Variants in NFKB2 observed in about 807,000 individuals in gnomAD.
NFKB2 encodes the protein nuclear factor NF-kappa-B p100 subunit.
A neutral mutation model predicts 109.3 loss-of-function variants in NFKB2; 21 were observed. That is an observed-to-expected ratio of 0.19 (90% confidence interval 0.14 to 0.28). NFKB2 has a LOEUF of 0.28. Ranked by LOEUF, NFKB2 falls within the 10% of genes least tolerant of loss-of-function variation. The pLI is 1.00. For synonymous variants in NFKB2, 478 were observed against 489.9 expected (o/e 0.98, Z 0.32); for missense variants, 806 against 1,185.3 (o/e 0.68, Z 4.70).
At position 102,396,103 on chromosome 10, in the gene NFKB2, G is replaced by A. The variant is rs992856992; in HGVS notation, c.21+123G>A. 6.7e-6 allele frequency: 10 copies of A among 1,485,210 alleles called. No homozygotes were observed. The African/African-American group carries it at 1.4e-4, about 21-fold the overall frequency. 92.0% of individuals were successfully genotyped at this position (1,485,210 alleles called of 1,614,324 possible). A position where few individuals can be genotyped will look rare whatever the true frequency, so the allele number is the denominator to read the frequency against. The stretch of plus-strand genomic sequence containing the variant: ...GCAGATGCTCTCAGCCTGCCAGTCT[G>A]TCCATCTGTCTGCAACTCTGCCTCC... On this transcript the variant is annotated intron_variant, in intron 2 of 22. Coordinates refer to ENST00000661543, the MANE Select transcript of NFKB2 (RefSeq NM_001322934.2). The surrounding 1 kb of genome is among the most constrained non-coding windows in gnomAD (Gnocchi z 5.9).
chr10:102,398,092 C>CT lies in NFKB2; in HGVS notation c.766+8dup. On this transcript the variant is annotated splice_region_variant and intron_variant, in intron 9 of 22. Transcript: ENST00000661543. The surrounding 1 kb of genome is among the most constrained non-coding windows in gnomAD (Gnocchi z 6.6). ...TGTGACAAGGTGCAGAAAGGTGAGA[C>CT]TGGAGCCCACTTTGGGCACCAAGGA... The CT allele has an allele frequency of 6.2e-7, 1 of 1,614,002 alleles. No individual in the cohort carries two copies. The highest frequency in any genetic ancestry group is 1.1e-5 in the South Asian group (1 of 91,086).
Position 102,398,916 on chromosome 10 carries a change from A to G in NFKB2, c.1117+52A>G. On this transcript the variant is annotated intron_variant, in intron 12 of 22. Coordinates refer to ENST00000661543, the MANE Select transcript of NFKB2 (RefSeq NM_001322934.2). This position sits in a 1 kb window ranked among gnomAD's most constrained non-coding sequence, Gnocchi z 6.6. ...GTAAAGGTAAGAGAAGCTGTGGAGGAAAAAAATCTGGGGGAGGCCGGGCGT... is the reference window on the plus strand; with the variant it reads ...GTAAAGGTAAGAGAAGCTGTGGAGGGAAAAAATCTGGGGGAGGCCGGGCGT... 1 of 1,562,622 alleles carries G rather than the reference A, an allele frequency of 6.4e-7. No homozygotes were observed. The highest frequency in any genetic ancestry group is 8.7e-7 in the Non-Finnish European group (1 of 1,154,448).
Position 102,399,655 on chromosome 10 carries a change from A to G in NFKB2, c.1406A>G (p.Asp469Gly), listed in dbSNP as rs1565209716. Residue 469 changes from aspartate (D) to glycine (G), a missense_variant, in exon 14 of 23, where the codon GAC (aspartate) becomes GGC (glycine). Asp to Gly is a moderately conservative substitution (Grantham distance 94). Transcript: ENST00000661543. ...CTACTCGACTACGGCGTCACCGCGG[A>G]CGCGCGCGCGCTGCTGGCGGGACAG... The part of the protein sequence containing the change: ...RALLDYGVTA[D>G]ARALLAGQRH... 6.5e-7 allele frequency: 1 copy of G among 1,533,416 alleles called. No individual in the cohort carries two copies. Among genetic ancestry groups the G allele is most frequent in the Non-Finnish European group, 8.8e-7 (1 of 1,138,760 alleles). The allele number at this position is 1,533,416 out of a possible 1,614,324, so 95.0% of individuals were successfully genotyped here. A position where few individuals can be genotyped will look rare whatever the true frequency, so the allele number is the denominator to read the frequency against.
In NFKB2 at chr10:102,398,856, C is replaced by G; in HGVS notation, c.1109C>G (p.Ala370Gly). 6.3e-7 allele frequency: 1 copy of G among 1,593,770 alleles called. No homozygotes were observed. The highest frequency in any genetic ancestry group is 8.5e-7 in the Non-Finnish European group (1 of 1,170,856). Reference sequence around the variant, plus strand: ...GGTGCAGCCGGGGGCTACGGAGGAGCTGGAGGAGGTGAGGGGGTACTGATG... The same window carrying G: ...GGTGCAGCCGGGGGCTACGGAGGAGGTGGAGGAGGTGAGGGGGTACTGATG... ...SGGAAGGYGG[A>G]GGGGSLGFFP... Residue 370 changes from alanine to glycine, a missense_variant, in exon 12 of 23, where the codon GCT becomes GGT. Around this residue, in one of 10 missense-constraint regions of NFKB2, gnomAD observed 209 missense variants for 211.9 expected, o/e 0.99. Transcript: ENST00000661543. The surrounding 1 kb of genome is among the most constrained non-coding windows in gnomAD (Gnocchi z 6.6).
At chr10:102,394,982 A>G (rs2061074811), upstream of NFKB2, among the ~76,000 whole-genome samples, 2 of 151,976 alleles carry the variant, frequency 1.3e-5, no homozygotes, top group Admixed American at 1.3e-4. Flanking sequence ...GGATTCACCT[A>G]TCTACACACA....
At position 102,398,880 on chromosome 10, in the gene NFKB2, TGGAG is replaced by T; in HGVS notation, c.1117+23_1117+26del. ...GCTGGAGGAGGTGAGGGGGTACTGA[TGGAG>T]GGAGGGGTAAAGGTAAGAGAAGCTG... is the stretch of plus-strand genomic sequence containing the variant. On this transcript the variant is annotated intron_variant, in intron 12 of 22. Transcript: ENST00000661543. This position sits in a 1 kb window ranked among gnomAD's most constrained non-coding sequence, Gnocchi z 6.6. 2.5e-6 allele frequency: 4 copies of T among 1,581,052 alleles called. No homozygotes were observed. Among genetic ancestry groups the T allele is most frequent in the Non-Finnish European group, 3.4e-6 (4 of 1,165,536 alleles).
Position 102,401,643 on chromosome 10 carries a change from T to A in NFKB2, c.2294-102T>A, listed in dbSNP as rs989785725. 1 of 1,525,774 alleles carries A rather than the reference T, an allele frequency of 6.6e-7. No homozygotes were observed. The highest frequency in any genetic ancestry group is 8.9e-7 in the Non-Finnish European group (1 of 1,123,978). The allele number at this position is 1,525,774 out of a possible 1,614,324, so 94.5% of individuals were successfully genotyped here. A position where few individuals can be genotyped will look rare whatever the true frequency, so the allele number is the denominator to read the frequency against. ...CAGCCCCGTCCATCACCCCTCATGGTCCTGTCTGTCGCTTACCTTGGGAGA... is the reference window on the plus strand; with the variant it reads ...CAGCCCCGTCCATCACCCCTCATGGACCTGTCTGTCGCTTACCTTGGGAGA... On this transcript the variant is annotated intron_variant, in intron 20 of 22. Coordinates refer to ENST00000661543, the MANE Select transcript of NFKB2 (RefSeq NM_001322934.2). This position sits in a 1 kb window ranked among gnomAD's most constrained non-coding sequence, Gnocchi z 4.2.
chr10:102,402,392 C>A lies in NFKB2; in HGVS notation c.*16C>A. 3 of 1,491,092 alleles carry A rather than the reference C, an allele frequency of 2.0e-6. No homozygotes were observed. The highest frequency in any genetic ancestry group is 2.6e-5 in the South Asian group (2 of 75,506). 92.4% of individuals were successfully genotyped at this position (1,491,092 alleles called of 1,614,324 possible). ...GGTGCACTGACCTGCTGCCTGCCCC[C>A]AGCCCCCTTCCCGGACCCCCTGTAC... is the stretch of plus-strand genomic sequence containing the variant. On this transcript the variant is annotated 3_prime_UTR_variant, in exon 23 of 23. Transcript: ENST00000661543.
chr10:102,398,975 G>A lies in NFKB2; in HGVS notation c.1117+111G>A. Reference sequence around the variant, plus strand: ...ACGCCTGTAATCCAGCCCTTTGGGAGGCCAAGGCAGGCAGATTACCTGAGA... The same window carrying A: ...ACGCCTGTAATCCAGCCCTTTGGGAAGCCAAGGCAGGCAGATTACCTGAGA... On this transcript the variant is annotated intron_variant, in intron 12 of 22. Transcript: ENST00000661543. The surrounding 1 kb of genome is among the most constrained non-coding windows in gnomAD (Gnocchi z 6.6). 1.7e-6 allele frequency: 2 copies of A among 1,203,360 alleles called. No individual in the cohort carries two copies. Among genetic ancestry groups the A allele is most frequent in the Non-Finnish European group, 2.3e-6 (2 of 868,302 alleles). 74.5% of individuals were successfully genotyped at this position (1,203,360 alleles called of 1,614,324 possible). A position where few individuals can be genotyped will look rare whatever the true frequency, so the allele number is the denominator to read the frequency against.
upstream of NFKB2, among the ~76,000 whole-genome samples, chr10:102,395,510 A>G (rs1182510348): frequency 6.6e-6 from 1 of 152,054 alleles, no homozygotes; most frequent in Non-Finnish European, 1.5e-5. Context: ...TGGAGGGAGG[A>G]GGGGGCTTAA....
chr10:102,394,532 G>C (rs1336754608), upstream of NFKB2: 2 of 152,288 alleles, frequency 1.3e-5, no homozygotes. Context: ...CTGCTGGCAG[G>C]CGAGGTGTCG....
At chr10:102,395,232 C>T (rs1181597579), upstream of NFKB2, among the ~76,000 whole-genome samples, 4 of 150,930 alleles carry the variant, frequency 2.7e-5, no homozygotes, top group Non-Finnish European at 4.4e-5. Flanking sequence ...GGAGGAGACA[C>T]TTTTCCCGCA....
Position 102,400,441 on chromosome 10 carries a change from A to G in NFKB2, c.1748A>G (p.Gln583Arg), listed in dbSNP as rs902680352. The change falls in exon 16 of 23, where the codon CAG (glutamine) becomes CGG (arginine). Residue 583 changes from glutamine (Q) to arginine (R), a missense_variant. Around this residue, in one of 10 missense-constraint regions of NFKB2, gnomAD observed 163 missense variants for 207.1 expected, o/e 0.79. Transcript: ENST00000661543. This position sits in a 1 kb window ranked among gnomAD's most constrained non-coding sequence, Gnocchi z 6.3. ...GAPELLRALL[Q>R]SGAPAVPQLL... is the part of the protein sequence containing the mutation. ...CCTGAGCTGCTGCGTGCACTGCTTC[A>G]GAGTGGAGCTCCTGCTGTGCCCCAG... The G allele has an allele frequency of 3.1e-6, 5 of 1,612,482 alleles. No homozygotes were observed. Among genetic ancestry groups the G allele is most frequent in the Non-Finnish European group, 4.2e-6 (5 of 1,179,888 alleles).
chr10:102,399,199 G>C (rs1465205176), intron 12 of NFKB2, 89 bp from the exon 13 acceptor site: 1 of 1,275,560 alleles, frequency 7.8e-7, no homozygotes, highest in East Asian at 2.5e-5. Flanking sequence ...TGGGCAATAA[G>C]AGCGAAACTC....
rs538915755 is a variant in NFKB2 at position 102,400,888 on chromosome 10, G to A, written c.1969-59G>A. ...GGTGGAGGGGCCAAAGATGGTGAAG[G>A]GGGGGGCTGGCCAAGGGGACCATGC... On this transcript the variant is annotated intron_variant, in intron 17 of 22. Transcript: ENST00000661543. This position sits in a 1 kb window ranked among gnomAD's most constrained non-coding sequence, Gnocchi z 6.3. 4 of 1,582,298 alleles carry A rather than the reference G, an allele frequency of 2.5e-6. No homozygotes were observed. Among genetic ancestry groups the A allele is most frequent in the African/African-American group, 1.3e-5 (1 of 74,398 alleles).
At position 102,396,685 on chromosome 10, in the gene NFKB2, C is replaced by A; in HGVS notation, c.145-40C>A. 6.3e-7 allele frequency: 1 copy of A among 1,593,676 alleles called. No homozygotes were observed. The highest frequency in any genetic ancestry group is 1.1e-5 in the South Asian group (1 of 90,506). ...TGCGGTCACTGCTGGCCTGGGTGGTCTTCCCTGATCACAATGCTACTATGC... is the reference window on the plus strand; with the variant it reads ...TGCGGTCACTGCTGGCCTGGGTGGTATTCCCTGATCACAATGCTACTATGC... On this transcript the variant is annotated intron_variant, in intron 4 of 22. Transcript: ENST00000661543. This position sits in a 1 kb window ranked among gnomAD's most constrained non-coding sequence, Gnocchi z 5.9.
Position 102,397,566 on chromosome 10 carries a change from TGAA to T in NFKB2, c.547_549del (p.Lys183del). On this transcript the variant is annotated inframe_deletion, in exon 8 of 23. Coordinates refer to ENST00000661543, the MANE Select transcript of NFKB2 (RefSeq NM_001322934.2). The surrounding 1 kb of genome is among the most constrained non-coding windows in gnomAD (Gnocchi z 4.7). The stretch of plus-strand genomic sequence containing the variant: ...GAGCTGGAGCAAGAGGCCAAAGAAC[TGAA>T]GAAGGTGATGGATCTGAGTATAGTG... 2 of 1,613,880 alleles carry T rather than the reference TGAA, an allele frequency of 1.2e-6. No individual in the cohort carries two copies. The highest frequency in any genetic ancestry group is 1.7e-6 in the Non-Finnish European group (2 of 1,179,792).
rs751333753 is a variant in NFKB2 at position 102,401,798 on chromosome 10, G to A, written c.2347G>A (p.Asp783Asn). The change falls in exon 21 of 23, where the codon GAC (aspartate) becomes AAC (asparagine). Residue 783 changes from aspartate to asparagine, a missense_variant. This residue lies in a region of NFKB2 where 211 missense variants were observed against 268.7 expected (regional missense o/e 0.79). Transcript: ENST00000661543. This position sits in a 1 kb window ranked among gnomAD's most constrained non-coding sequence, Gnocchi z 4.2. ...TCTGCAGAACCTGGAGCAGCTGCTA[G>A]ACGGGCCAGAAGCCCAGGGCAGCTG... ...TALQNLEQLL[D>N]GPEAQGSWAE... The A allele has an allele frequency of 5.6e-6, 9 of 1,613,680 alleles. No homozygotes were observed. Among genetic ancestry groups the A allele is most frequent in the Middle Eastern group, 1.7e-4 (1 of 5,950 alleles).
In NFKB2 at chr10:102,401,973, G is replaced by C. The variant is rs1031514494; in HGVS notation, c.2466+56G>C. On this transcript the variant is annotated intron_variant, in intron 21 of 22. Coordinates refer to ENST00000661543, the MANE Select transcript of NFKB2 (RefSeq NM_001322934.2). This position sits in a 1 kb window ranked among gnomAD's most constrained non-coding sequence, Gnocchi z 4.2. ...AGCCTCCTTTCCCGATCTGAGTCCA[G>C]GTGCCTCCTTGGCCCCAGGGCTCCC... 6.3e-7 allele frequency: 1 copy of C among 1,592,138 alleles called. No homozygotes were observed. Among genetic ancestry groups the C allele is most frequent in the Non-Finnish European group, 8.6e-7 (1 of 1,167,644 alleles).
Sources: gnomAD v4.1 joint callset for allele counts (sites outside exome capture counted in the v4.1 genomes callset) on GRCh38, gnomAD v4.1.1 for gene constraint, gnomAD v4.1.1 regional missense constraint, Gnocchi (gnomAD v3.1) non-coding constraint, MANE v1.5 for transcripts, NCBI Gene and HGNC (gene_info 2026-07-23, HGNC 2026-07-21) for gene names.